Variants in FAM53A observed in about 807,000 individuals in gnomAD.
FAM53A encodes protein FAM53A.
FAM53A carries 28 observed loss-of-function variants against 26.6 expected under a neutral mutation model. The observed-to-expected ratio is 1.05, with a 90% CI of 0.78 to 1.45. The LOEUF is 1.45. Among genes scored for constraint, FAM53A ranks in the 40% most tolerant of loss-of-function variants. The pLI, the probability that FAM53A is intolerant of heterozygous loss-of-function variation, is 0.00. For missense variants in FAM53A, 650 were observed against 575.8 expected (o/e 1.13, Z -1.32); for synonymous variants, 290 against 253.1 (o/e 1.15, Z -1.38).
intron 4 of FAM53A, among the ~76,000 whole-genome samples, chr4:1,654,772 C>T (rs1018334234): frequency 6.6e-6 from 1 of 152,210 alleles, no homozygotes; most frequent in Non-Finnish European, 1.5e-5. Context: ...CGGGAGCAGG[C>T]GGGGTGAGCT....
At chr4:1,681,294 C>T (rs1032017068) in intron 1 of FAM53A, among the ~76,000 whole-genome samples, 16 of 152,040 alleles carry the variant, frequency 1.1e-4, no homozygotes, top group African/African-American at 2.7e-4. Context: ...GACGGGGTTT[C>T]GCCATGTTGG....
At position 1,640,355 on chromosome 4, in the gene FAM53A, G is replaced by A. The variant is rs1007119580; in HGVS notation, c.*938C>T. Reference sequence around the variant, plus strand: ...GACCCGTCGGGAGGGGGGGACACACGGGGCCAGTGGGACTCTGACCACCAA... The same window carrying A: ...GACCCGTCGGGAGGGGGGGACACACAGGGCCAGTGGGACTCTGACCACCAA... On this transcript the variant is annotated 3_prime_UTR_variant, in exon 5 of 5. Transcript: ENST00000308132. The A allele has an allele frequency of 1.3e-5, 3 of 238,842 alleles. No homozygotes were observed. The highest frequency in any genetic ancestry group is 4.7e-5 in the South Asian group (1 of 21,292). 14.8% of individuals were successfully genotyped at this position (238,842 alleles called of 1,614,324 possible).
downstream of FAM53A, among the ~76,000 whole-genome samples, chr4:1,638,843 C>T (rs573777469): frequency 2.6e-5 from 4 of 152,332 alleles, no homozygotes; most frequent in East Asian, 3.9e-4. Context: ...ACTCAGGTAG[C>T]GAGAGTCAGC....
intron 1 of FAM53A, among the ~76,000 whole-genome samples, chr4:1,682,899 A>AC (rs1377022004): frequency 2.0e-5 from 3 of 152,260 alleles, no homozygotes; most frequent in Non-Finnish European, 2.9e-5. Context: ...ACGCATCCAA[A>AC]GGGGCGGGAC....
chr4:1,662,496 A>C (rs1170293166), intron 2 of FAM53A, among the ~76,000 whole-genome samples: 1 of 144,416 alleles, frequency 6.9e-6, no homozygotes, highest in Non-Finnish European at 1.5e-5. Context: ...AAAAAAAAAA[A>C]AAAAAAAGCT....
upstream of FAM53A, among the ~76,000 whole-genome samples, chr4:1,685,330 C>T (rs1715751174): frequency 2.0e-5 from 3 of 152,068 alleles, no homozygotes; most frequent in South Asian, 6.2e-4. Flanking sequence ...TGTGCGTCCC[C>T]TGAGGGTTTG....
chr4:1,598,381 C>G, the FAM53A span, among the ~76,000 whole-genome samples: 1 of 152,206 alleles, frequency 6.6e-6, no homozygotes, highest in African/African-American at 2.4e-5. Flanking sequence ...CGGACGGGAG[C>G]CAGGACCCCC....
At chr4:1,666,767 T>G (rs1411953838) in intron 2 of FAM53A, among the ~76,000 whole-genome samples, 1 of 152,198 alleles carries the variant, frequency 6.6e-6, no homozygotes, top group African/African-American at 2.4e-5. Flanking sequence ...TCTGCAAGGC[T>G]GAGGTGGGCG....
intron 4 of FAM53A, among the ~76,000 whole-genome samples, chr4:1,645,898 G>C (rs574896365): frequency 6.6e-6 from 1 of 152,220 alleles, no homozygotes; most frequent in Non-Finnish European, 1.5e-5. Flanking sequence ...CCATGGTGTT[G>C]GGAGTTGATC....
intron 1 of FAM53A, among the ~76,000 whole-genome samples, chr4:1,620,293 G>A (rs1468146906): frequency 2.0e-5 from 3 of 151,962 alleles, no homozygotes. Context: ...TTTCTCAAGT[G>A]TGCCTGGACA....
chr4:1,606,784 C>CT, the FAM53A span, among the ~76,000 whole-genome samples: 2 of 152,262 alleles, frequency 1.3e-5, no homozygotes, highest in African/African-American at 2.4e-5. Flanking sequence ...CGCCCCCTAG[C>CT]TGTCGGGGAA....
At chr4:1,685,669 A>C (rs970799668), upstream of FAM53A, among the ~76,000 whole-genome samples, 1 of 151,944 alleles carries the variant, frequency 6.6e-6, no homozygotes, top group South Asian at 2.1e-4. Context: ...GAAGAGTGGG[A>C]GTCCCAGCGG....
chr4:1,586,215 CAG>C, the FAM53A span, among the ~76,000 whole-genome samples: 1 of 151,758 alleles, frequency 6.6e-6, no homozygotes, highest in African/African-American at 2.4e-5. Flanking sequence ...TTTTTTGAGA[CAG>C]AGTTTCCCTC....
the FAM53A span, among the ~76,000 whole-genome samples, chr4:1,584,111 T>A: frequency 7.2e-5 from 11 of 152,260 alleles, no homozygotes; most frequent in African/African-American, 1.9e-4. Context: ...TGCGATATCA[T>A]CTATTCCTCT....
the FAM53A span, among the ~76,000 whole-genome samples, chr4:1,603,479 C>A: frequency 3.3e-5 from 5 of 152,180 alleles, no homozygotes; most frequent in African/African-American, 1.2e-4. Flanking sequence ...AGGCTGGAAG[C>A]CCCAGTGGGT....
intron 1 of FAM53A, among the ~76,000 whole-genome samples, chr4:1,670,006 C>T (rs1448063041): frequency 6.6e-6 from 1 of 152,342 alleles, no homozygotes; most frequent in South Asian, 2.1e-4. Context: ...GGCCTCACCA[C>T]CACCAATGAA....
chr4:1,654,940 T>C (rs1713180098), intron 4 of FAM53A, 38 bp downstream of exon 4: 1 of 1,494,200 alleles, frequency 6.7e-7, no homozygotes, highest in Admixed American at 2.3e-5. Context: ...TGTCCAGATC[T>C]ACGCCCCTCT....
chr4:1,577,645 C>T, the FAM53A span, among the ~76,000 whole-genome samples: 61 of 152,330 alleles, frequency 4.0e-4, no homozygotes, highest in Non-Finnish European at 6.6e-4. Flanking sequence ...TACCATAAAT[C>T]CCCCGGTAAC....
At chr4:1,681,808 A>G (rs539981154) in intron 1 of FAM53A, among the ~76,000 whole-genome samples, 2 of 152,096 alleles carry the variant, frequency 1.3e-5, no homozygotes, top group South Asian at 4.2e-4. Flanking sequence ...TGGCCAAGAA[A>G]TTCAAATCGT....
Sources: gnomAD v4.1 joint callset for allele counts (sites outside exome capture counted in the v4.1 genomes callset) on GRCh38, gnomAD v4.1.1 for gene constraint, MANE v1.5 for transcripts, NCBI Gene and HGNC (gene_info 2026-07-23, HGNC 2026-07-21) for gene names.